Variants in CLIP2 observed in about 807,000 individuals in gnomAD.
CLIP2 encodes CAP-Gly domain-containing linker protein 2.
Under a neutral mutation model 111.7 loss-of-function variants are expected in CLIP2, and 41 were observed. The observed-to-expected ratio is 0.37, with a 90% CI of 0.29 to 0.48. The LOEUF is 0.48. Among genes scored for constraint, CLIP2 ranks in the 20% least tolerant of loss-of-function variants. The pLI is 0.99. For synonymous variants in CLIP2, 660 were observed against 644.2 expected (o/e 1.02, Z -0.37); for missense variants, 1,160 against 1,422.1 (o/e 0.82, Z 2.96).
chr7:74,289,425 A>C lies in CLIP2; in HGVS notation c.-377A>C, dbSNP rs1210226666. The C allele has an allele frequency of 1.4e-5, 2 of 147,154 alleles. No individual in the cohort carries two copies. The highest frequency in any genetic ancestry group is 3.0e-5 in the Non-Finnish European group (2 of 66,574). The allele number at this position is 147,154 out of a possible 1,614,324, so 9.1% of individuals were successfully genotyped here. A position where few individuals can be genotyped will look rare whatever the true frequency, so the allele number is the denominator to read the frequency against. ...GCCGGCCCCTTTTGTTCCCTCCCGG[A>C]GCCGGGCCGCTGGCTCCGCTGGCTC... is the stretch of plus-strand genomic sequence containing the variant. On this transcript the variant is annotated 5_prime_UTR_variant, in exon 1 of 17. Transcript: ENST00000223398.
chr7:74,309,516 A>T (rs151269257), intron 1 of CLIP2, among the ~76,000 whole-genome samples: 34 of 152,216 alleles, frequency 2.2e-4, no homozygotes. Context: ...GGATTCATAC[A>T]ATATGGAGTC....
chr7:74,326,055 A>G (rs993234272), intron 2 of CLIP2, among the ~76,000 whole-genome samples: 8 of 152,012 alleles, frequency 5.3e-5, no homozygotes, highest in Non-Finnish European at 1.2e-4. Flanking sequence ...CCTGGCCAAC[A>G]TGGTGAAACC....
In CLIP2 at chr7:74,386,573, C is replaced by T. The variant is rs782235169; in HGVS notation, c.2532C>T (p.Ser844=). ...KRDKEVTALT[S]QTEMLRAQVS... ...ACAAAGAGGTGACAGCCTTGACCTC[C>T]CAGACCGAGATGCTCAGGGCCCAAG... The change falls in exon 12 of 17, where the codon TCC becomes TCT. Residue 844 remains serine (S), a synonymous_variant. Coordinates refer to ENST00000223398, the MANE Select transcript of CLIP2 (RefSeq NM_003388.5). 1 of 1,610,458 alleles carries T rather than the reference C, an allele frequency of 6.2e-7. No homozygotes were observed. Among genetic ancestry groups the T allele is most frequent in the Non-Finnish European group, 8.5e-7 (1 of 1,178,696 alleles).
At chr7:74,303,272 A>G (rs1211269536) in intron 1 of CLIP2, among the ~76,000 whole-genome samples, 2 of 152,146 alleles carry the variant, frequency 1.3e-5, no homozygotes, top group African/African-American at 2.4e-5. Flanking sequence ...GGCAAATGCA[A>G]ACAAAGCTGT....
chr7:74,327,594 A>T (rs1280768933), intron 2 of CLIP2, among the ~76,000 whole-genome samples: 19 of 152,122 alleles, frequency 1.2e-4, no homozygotes, highest in Non-Finnish European at 7.4e-5. Context: ...CCCCATTTTA[A>T]GTGACTTGTC....
At position 74,390,164 on chromosome 7, in the gene CLIP2, AGAAAG is replaced by A. The variant is rs1458797911; in HGVS notation, c.2720+906_2720+910del. 9.9e-3 allele frequency among the ~76,000 whole-genome samples: 1,056 copies of A among 106,668 alleles called. 24 individuals carry two copies. Among genetic ancestry groups the A allele is most frequent in the African/African-American group, 0.029 (768 of 26,274 alleles). 70.0% of individuals were successfully genotyped at this position (106,668 alleles called of 152,430 possible). On this transcript the variant is annotated intron_variant, in intron 13 of 16. Coordinates refer to ENST00000223398, the MANE Select transcript of CLIP2 (RefSeq NM_003388.5). ...AGAAAGAAAGAAAAAGAAAGAAAGA[AGAAAG>A]AAAGAAAGAAAGAAAGAAAGAAAGA...
intron 10 of CLIP2, among the ~76,000 whole-genome samples, chr7:74,379,364 T>C (rs1554313508): frequency 6.6e-6 from 1 of 151,524 alleles, no homozygotes; most frequent in Non-Finnish European, 1.5e-5. Context: ...TGATTTTCTG[T>C]ATACACTGGG....
At chr7:74,374,212 C>G (rs1310088005) in intron 9 of CLIP2, among the ~76,000 whole-genome samples, 1 of 152,218 alleles carries the variant, frequency 6.6e-6, no homozygotes, top group Non-Finnish European at 1.5e-5. Context: ...ATGTTGGTCT[C>G]CGTGCACAAG....
At chr7:74,339,039 T>C (rs2116561828) in intron 3 of CLIP2, 35 bp downstream of exon 3, 1 of 1,555,420 alleles carries the variant, frequency 6.4e-7, no homozygotes. Context: ...TGGGCCCAGC[T>C]TCCCTTCCCT....
intron 14 of CLIP2, among the ~76,000 whole-genome samples, chr7:74,398,787 C>G (rs1252283970): frequency 2.0e-5 from 3 of 152,192 alleles, no homozygotes; most frequent in Non-Finnish European, 4.4e-5. Context: ...TGGCTGCACC[C>G]TCTGTGGTCC....
intron 2 of CLIP2, among the ~76,000 whole-genome samples, chr7:74,337,150 A>G (rs1338522175): frequency 2.0e-5 from 3 of 151,838 alleles, no homozygotes; most frequent in African/African-American, 4.8e-5. Context: ...AGCCTCCCAA[A>G]GTGCTGGGAT....
At chr7:74,311,699 C>T (rs967644653) in intron 1 of CLIP2, among the ~76,000 whole-genome samples, 1 of 152,068 alleles carries the variant, frequency 6.6e-6, no homozygotes, top group Non-Finnish European at 1.5e-5. Flanking sequence ...TGCTTGAGCC[C>T]AGGAGTTTGA....
intron 14 of CLIP2, among the ~76,000 whole-genome samples, chr7:74,400,133 GA>G (rs1434061961): frequency 2.1e-5 from 3 of 144,604 alleles, no homozygotes; most frequent in Non-Finnish European, 4.5e-5. Flanking sequence ...CTAGGTGATA[GA>G]GCGAGACTCT....
At chr7:74,374,421 A>C (rs1554312422) in intron 9 of CLIP2, among the ~76,000 whole-genome samples, 2 of 152,168 alleles carry the variant, frequency 1.3e-5, no homozygotes, top group Admixed American at 6.6e-5. Flanking sequence ...ATGAAAACAC[A>C]AAAACAGGGC....
chr7:74,300,746 G>A (rs1041498293), intron 1 of CLIP2, among the ~76,000 whole-genome samples: 25 of 152,146 alleles, frequency 1.6e-4, no homozygotes, highest in African/African-American at 6.0e-4. Context: ...GTGAGCCACC[G>A]TGCCCGGCCT....
intron 1 of CLIP2, 119 bp downstream of exon 1, chr7:74,289,853 G>T (rs548667206): frequency 6.6e-6 from 1 of 152,560 alleles, no homozygotes; most frequent in African/African-American, 2.4e-5. Context: ...TTGTCGGGGC[G>T]TGGGCGGGGG....
chr7:74,306,417 C>A (rs115647084), intron 1 of CLIP2, among the ~76,000 whole-genome samples: 3 of 152,162 alleles, frequency 2.0e-5, no homozygotes, highest in Admixed American at 6.5e-5. Flanking sequence ...CCTGCCCCTC[C>A]GGGAGAGAGC....
rs1204818686 is a variant in CLIP2, at chr7:74,405,491, TCA to T, written c.*1646_*1647del. On this transcript the variant is annotated 3_prime_UTR_variant, in exon 17 of 17. Coordinates refer to ENST00000223398, the MANE Select transcript of CLIP2 (RefSeq NM_003388.5). ...TGCCCAAATGCAGCCCATCGGGGAG[TCA>T]CAGTCAGTCCCCCCGGCCCCCCTCC... is the stretch of plus-strand genomic sequence containing the variant. 7.2e-5 allele frequency: 11 copies of T among 152,608 alleles called. No individual in the cohort carries two copies. The highest frequency in any genetic ancestry group is 3.3e-4 in the Admixed American group (5 of 15,214). 9.5% of individuals were successfully genotyped at this position (152,608 alleles called of 1,614,324 possible).
At chr7:74,297,528 T>C (rs1475596990) in intron 1 of CLIP2, among the ~76,000 whole-genome samples, 1 of 151,926 alleles carries the variant, frequency 6.6e-6, no homozygotes, top group African/African-American at 2.4e-5. Context: ...GCCCCCCCTT[T>C]GAGAGGAAGC....
Sources: allele counts gnomAD v4.1 joint callset (sites outside exome capture counted in the v4.1 genomes callset), GRCh38; gene constraint gnomAD v4.1.1; transcripts MANE v1.5; gene names NCBI Gene and HGNC (gene_info 2026-07-23, HGNC 2026-07-21).